ACTR3C: variants seen among roughly 807,000 people sequenced by gnomAD.
ACTR3C encodes the protein actin related protein 3C.
A neutral mutation model predicts 26.3 loss-of-function variants in ACTR3C; 18 were observed. That is an observed-to-expected ratio of 0.68 (90% CI 0.47 to 1.01). ACTR3C has a LOEUF of 1.01. Ranked by LOEUF, ACTR3C falls within the 50% of genes least tolerant of loss-of-function variation. ACTR3C has a pLI of 0.00. For synonymous variants in ACTR3C, 55 were observed against 94.5 expected (o/e 0.58, Z 2.42); for missense variants, 184 against 250.7 (o/e 0.73, Z 1.80).
chr7:150,060,374 A>G, the ACTR3C span, among the ~76,000 whole-genome samples: 1 of 150,220 alleles, frequency 6.7e-6, no homozygotes, highest in Non-Finnish European at 1.5e-5. Context: ...TTAAAAAGTG[A>G]CAAAAAAACA....
chr7:150,035,019 G>C, the ACTR3C span, among the ~76,000 whole-genome samples: 7 of 129,762 alleles, frequency 5.4e-5, 1 homozygote, highest in Non-Finnish European at 1.0e-4. Context: ...TCAGAGCCAG[G>C]GGGGGAAGAG....
the ACTR3C span, among the ~76,000 whole-genome samples, chr7:150,226,730 G>A: frequency 1.3e-5 from 2 of 152,100 alleles, no homozygotes; most frequent in Non-Finnish European, 2.9e-5. Context: ...GAACCACCAG[G>A]CCCCGCCTCA....
chr7:150,025,524 C>G, the ACTR3C span, among the ~76,000 whole-genome samples: 4 of 152,026 alleles, frequency 2.6e-5, no homozygotes, highest in African/African-American at 9.7e-5. Context: ...TTTTCCCCAG[C>G]AGTAAGACAA....
At chr7:149,975,953 C>A in the ACTR3C span, among the ~76,000 whole-genome samples, 1 of 152,122 alleles carries the variant, frequency 6.6e-6, no homozygotes, top group Non-Finnish European at 1.5e-5. Flanking sequence ...CAAACCATTT[C>A]ATTCACCAAA....
chr7:150,173,795 G>A, the ACTR3C span, among the ~76,000 whole-genome samples: 49 of 147,934 alleles, frequency 3.3e-4, 1 homozygote, highest in African/African-American at 1.2e-3. Flanking sequence ...AATTTCTTCT[G>A]CCAGATACCC....
the ACTR3C span, among the ~76,000 whole-genome samples, chr7:150,035,824 G>A: frequency 3.1e-5 from 4 of 128,056 alleles, 1 homozygote; most frequent in Non-Finnish European, 1.7e-5. Context: ...CTCAGTCCCT[G>A]CCTTGCGGGG....
the ACTR3C span, among the ~76,000 whole-genome samples, chr7:149,945,837 G>T: frequency 6.6e-6 from 1 of 152,216 alleles, no homozygotes; most frequent in Non-Finnish European, 1.5e-5. Flanking sequence ...GTGGTAGTCA[G>T]TCCGCTGTAG....
At chr7:150,012,315 A>ATTTTTTTTTTTTTTTTTTTT in the ACTR3C span, among the ~76,000 whole-genome samples, 1 of 91,992 alleles carries the variant, frequency 1.1e-5, no homozygotes, top group African/African-American at 4.2e-5. Context: ...TTATAAATGC[A>ATTTTTTTTTTTTTTTTTTTT]TCTTTTTTTT....
At chr7:150,010,427 T>G in the ACTR3C span, among the ~76,000 whole-genome samples, 6 of 152,094 alleles carry the variant, frequency 3.9e-5, no homozygotes, top group Non-Finnish European at 8.8e-5. Context: ...ACTGGGCCCT[T>G]AGCAATATAC....
At chr7:150,034,703 T>A in the ACTR3C span, among the ~76,000 whole-genome samples, 3 of 151,652 alleles carry the variant, frequency 2.0e-5, no homozygotes, top group Admixed American at 2.0e-4. Flanking sequence ...ACTTTCTACT[T>A]GGACACCTAA....
chr7:150,175,412 C>T, the ACTR3C span, among the ~76,000 whole-genome samples: 12,345 of 133,612 alleles, frequency 0.092, 1,329 homozygotes, highest in African/African-American at 0.24. Flanking sequence ...CCCTCTCATT[C>T]GTATTCACAG....
chr7:150,139,985 CAT>C, the ACTR3C span, among the ~76,000 whole-genome samples: 134 of 140,530 alleles, frequency 9.5e-4, no homozygotes, highest in African/African-American at 2.4e-3. Context: ...CACACACACA[CAT>C]ACGCATGCAC....
At chr7:149,946,734 T>G in the ACTR3C span, among the ~76,000 whole-genome samples, 1 of 152,208 alleles carries the variant, frequency 6.6e-6, no homozygotes, top group African/African-American at 2.4e-5. Context: ...CATTCTTTTT[T>G]TCTTAGAACA....
chr7:150,003,132 G>A, the ACTR3C span: 11 of 149,420 alleles, frequency 7.4e-5, no homozygotes, highest in Non-Finnish European at 1.2e-4. Context: ...ACAGAAGTTT[G>A]TGTGTGTGTG....
the ACTR3C span, among the ~76,000 whole-genome samples, chr7:149,941,256 C>T: frequency 2.0e-5 from 3 of 152,142 alleles, no homozygotes; most frequent in African/African-American, 4.8e-5. Context: ...ATCATGATTA[C>T]GTTTTCAGAA....
At chr7:150,220,246 T>C in the ACTR3C span, among the ~76,000 whole-genome samples, 1 of 148,166 alleles carries the variant, frequency 6.7e-6, no homozygotes, top group Non-Finnish European at 1.5e-5. Flanking sequence ...GTCTCTTACC[T>C]TGTGGCCTTT....
At chr7:149,938,959 ATATATTATATACATATAT>A in the ACTR3C span, among the ~76,000 whole-genome samples, 1 of 139,878 alleles carries the variant, frequency 7.1e-6, no homozygotes, top group South Asian at 2.3e-4. Context: ...ATATATAAAA[ATATATTATATACATATAT>A]ATGTATATAA....
At chr7:150,231,642 CA>C in the ACTR3C span, among the ~76,000 whole-genome samples, 2 of 151,222 alleles carry the variant, frequency 1.3e-5, no homozygotes, top group Admixed American at 1.3e-4. Flanking sequence ...TACACTAAAC[CA>C]GTTAAGACAA....
the ACTR3C span, among the ~76,000 whole-genome samples, chr7:150,170,523 A>G: frequency 2.7e-5 from 4 of 150,438 alleles, no homozygotes; most frequent in African/African-American, 1.0e-4. Flanking sequence ...GGTATGATTG[A>G]TTGTTTCATT....
Sources: allele counts gnomAD v4.1 joint callset (sites outside exome capture counted in the v4.1 genomes callset), GRCh38; gene constraint gnomAD v4.1.1; transcripts MANE v1.5; gene names NCBI Gene and HGNC (gene_info 2026-07-23, HGNC 2026-07-21).